The following CPNE5 variants were observed in gnomAD, a reference collection of about 807,000 sequenced individuals.
CPNE5 encodes the protein copine 5.
A neutral mutation model predicts 81.1 loss-of-function variants in CPNE5; 42 were observed. That is an observed-to-expected ratio of 0.52 (90% CI 0.40 to 0.67). The LOEUF (loss-of-function observed/expected upper bound fraction) is 0.67, where lower values mean the gene tolerates loss of function less well. CPNE5 is among the 30% of genes least tolerant of loss of function. CPNE5 has a pLI of 0.00. For missense variants in CPNE5, 612 were observed against 815.5 expected (o/e 0.75, Z 3.04); for synonymous variants, 313 against 321.5 (o/e 0.97, Z 0.28).
chr6:36,749,304 T>C (rs1344720049), intron 14 of CPNE5, among the ~76,000 whole-genome samples: 10 of 152,056 alleles, frequency 6.6e-5, no homozygotes, highest in Non-Finnish European at 1.3e-4. Context: ...TTGGGGGGAA[T>C]GAATAGATGA....
At chr6:36,790,979 T>G (rs1246730598) in intron 8 of CPNE5, among the ~76,000 whole-genome samples, 1 of 152,232 alleles carries the variant, frequency 6.6e-6, no homozygotes, top group Non-Finnish European at 1.5e-5. Context: ...AAATATTGAT[T>G]GATAGCTGAT....
At chr6:36,782,800 A>G (rs1256747788) in intron 8 of CPNE5, among the ~76,000 whole-genome samples, 2 of 148,912 alleles carry the variant, frequency 1.3e-5, no homozygotes, top group East Asian at 3.9e-4. Flanking sequence ...GTCTCAAATA[A>G]TAAAACAAAA....
At position 36,742,891 on chromosome 6, in the gene CPNE5, G is replaced by A. The variant is rs992851214; in HGVS notation, c.1564-405C>T. On this transcript the variant is annotated intron_variant, in intron 20 of 20. Coordinates refer to ENST00000244751, the MANE Select transcript of CPNE5 (RefSeq NM_020939.2). ...AGCCCTCTCTCTCTGGCCTCTCTTC[G>A]TTCCTTTTCTCTCTGGGGCTAATCT... is the stretch of plus-strand genomic sequence containing the variant. 3.5e-5 allele frequency: 34 copies of A among 985,188 alleles called. No homozygotes were observed. The African/African-American group carries it at 4.7e-4, about 14-fold the overall frequency. The allele number at this position is 985,188 out of a possible 1,614,324, so 61.0% of individuals were successfully genotyped here.
intron 19 of CPNE5, 123 bp from the exon 20 acceptor site, chr6:36,743,885 C>A: frequency 1.2e-6 from 1 of 853,394 alleles, no homozygotes; most frequent in Non-Finnish European, 1.9e-6. Flanking sequence ...GGCCCATGCC[C>A]CGTGTTAGAG....
At chr6:36,782,870 A>AC (rs1554201805) in intron 8 of CPNE5, among the ~76,000 whole-genome samples, 2 of 119,284 alleles carry the variant, frequency 1.7e-5, no homozygotes, top group African/African-American at 3.3e-5. Context: ...CACACACACA[A>AC]AACGGCACAA....
rs186781223 is a variant in CPNE5, at chr6:36,788,233, G to T, written c.528+3800C>A. ...TTTTTTTGTAGAGATGGTCGGGGGG[G>T]GGTCTCACTATGATGTCCAGGCTGG... On this transcript the variant is annotated intron_variant, in intron 8 of 20. Coordinates refer to ENST00000244751, the MANE Select transcript of CPNE5 (RefSeq NM_020939.2). 5.4e-4 allele frequency among the ~76,000 whole-genome samples: 82 copies of T among 151,908 alleles called. 1 individual carries two copies. The highest frequency in any genetic ancestry group is 1.8e-3 in the African/African-American group (76 of 41,420).
intron 3 of CPNE5, among the ~76,000 whole-genome samples, chr6:36,807,540 C>T (rs938458946): frequency 6.6e-6 from 1 of 152,166 alleles, no homozygotes; most frequent in Non-Finnish European, 1.5e-5. Flanking sequence ...TGTTCATCTC[C>T]CAAGCCTTTA....
chr6:36,792,798 C>T (rs974804694), intron 7 of CPNE5, among the ~76,000 whole-genome samples: 1 of 152,156 alleles, frequency 6.6e-6, no homozygotes, highest in Admixed American at 6.5e-5. Flanking sequence ...ACCACCTCTT[C>T]CCCTGGTTAG....
chr6:36,769,290 G>C (rs1336081076), intron 10 of CPNE5, among the ~76,000 whole-genome samples: 1 of 152,192 alleles, frequency 6.6e-6, no homozygotes, highest in Non-Finnish European at 1.5e-5. Context: ...GTGGCTCTCC[G>C]TGAGTCACAC....
Position 36,800,048 on chromosome 6 carries a change from T to C in CPNE5, c.206A>G (p.Asp69Gly). 1 of 1,613,572 alleles carries C rather than the reference T, an allele frequency of 6.2e-7. No individual in the cohort carries two copies. Among genetic ancestry groups the C allele is most frequent in the Non-Finnish European group, 8.5e-7 (1 of 1,179,912 alleles). The change falls in exon 4 of 21, where the codon GAC becomes GGC. Residue 69 changes from aspartate to glycine, a missense_variant. Asp to Gly is a moderately conservative substitution (Grantham distance 94, BLOSUM62 -1). Transcript: ENST00000244751. ...CACGAAGTCAGGATTGAGCGTGTTG[T>C]CGATGACTTCGGTGCGCCCAAACTG... ...WREFGRTEVI[D>G]NTLNPDFVRK...
Position 36,743,703 on chromosome 6 carries a change from G to C in CPNE5, c.1549C>G (p.Arg517Gly). The change falls in exon 20 of 21, where the codon CGC becomes GGC. Residue 517 changes from arginine to glycine, a missense_variant. Arg to Gly is a moderately radical substitution (Grantham distance 125, BLOSUM62 -2). Coordinates refer to ENST00000244751, the MANE Select transcript of CPNE5 (RefSeq NM_020939.2). ...CTGGGCTTCACCTGGACGATGTCGC[G>C]TTCAGCCAGCTTCCCCCGGGAGGAG... ...RISSRGKLAE[R>G]DIVQFVPFRD... 6.2e-7 allele frequency: 1 copy of C among 1,613,452 alleles called. No individual in the cohort carries two copies. Among genetic ancestry groups the C allele is most frequent in the Admixed American group, 1.7e-5 (1 of 60,028 alleles).
intron 20 of CPNE5, 29 bp downstream of exon 20, chr6:36,743,660 C>G (rs1471433755): frequency 6.2e-7 from 1 of 1,607,468 alleles, no homozygotes; most frequent in Non-Finnish European, 8.5e-7. Context: ...CTTGAATTTC[C>G]CATGGGGCAG....
intron 13 of CPNE5, 139 bp downstream of exon 13, chr6:36,756,106 C>T (rs1765427181): frequency 2.1e-6 from 1 of 484,944 alleles, no homozygotes; most frequent in Non-Finnish European, 3.8e-6. Context: ...CCACCCCTCC[C>T]CACCCCATCT....
At chr6:36,811,169 T>C (rs1441888640) in intron 3 of CPNE5, among the ~76,000 whole-genome samples, 1 of 152,018 alleles carries the variant, frequency 6.6e-6, no homozygotes, top group Non-Finnish European at 1.5e-5. Flanking sequence ...CCCCCAGCCT[T>C]CTAGCCCCGG....
intron 11 of CPNE5, 48 bp downstream of exon 11, chr6:36,765,287 G>A: frequency 3.1e-6 from 5 of 1,602,128 alleles, no homozygotes; most frequent in Non-Finnish European, 4.3e-6. Flanking sequence ...CCCAGTGGCT[G>A]TCCCCATCCC....
chr6:36,809,841 TC>T (rs112926718), intron 3 of CPNE5, among the ~76,000 whole-genome samples: 29 of 151,772 alleles, frequency 1.9e-4, no homozygotes, highest in African/African-American at 7.0e-4. Context: ...CCTGTGGACA[TC>T]CCTGCTCAGG....
At chr6:36,797,559 C>T (rs1470400647) in intron 6 of CPNE5, among the ~76,000 whole-genome samples, 1 of 152,212 alleles carries the variant, frequency 6.6e-6, no homozygotes, top group African/African-American at 2.4e-5. Context: ...AGAGGTCACC[C>T]TCACCACACG....
In CPNE5 at chr6:36,805,965, G is replaced by C. The variant is rs550564286; in HGVS notation, c.184-5895C>G. Among the ~76,000 whole-genome samples the C allele has an allele frequency of 3.0e-4, 45 of 152,332 alleles. No homozygotes were observed. In the South Asian group the frequency reaches 9.3e-3, roughly 32 times the overall value. Reference sequence around the variant, plus strand: ...CTCTGGGACTCTGCTACACGTGACAGCTGGGATGTATGGGGCAGGTAGACA... The same window carrying C: ...CTCTGGGACTCTGCTACACGTGACACCTGGGATGTATGGGGCAGGTAGACA... On this transcript the variant is annotated intron_variant, in intron 3 of 20. Coordinates refer to ENST00000244751, the MANE Select transcript of CPNE5 (RefSeq NM_020939.2).
At chr6:36,805,880 A>C (rs577484399) in intron 3 of CPNE5, among the ~76,000 whole-genome samples, 1 of 152,354 alleles carries the variant, frequency 6.6e-6, no homozygotes, top group South Asian at 2.1e-4. Context: ...CATCAGTTCC[A>C]GTGAGACCCT....
Sources: allele counts gnomAD v4.1 joint callset (sites outside exome capture counted in the v4.1 genomes callset), GRCh38; gene constraint gnomAD v4.1.1; transcripts MANE v1.5; gene names NCBI Gene and HGNC (gene_info 2026-07-23, HGNC 2026-07-21).